HMCES: variants seen among roughly 807,000 people sequenced by gnomAD.
HMCES encodes abasic site processing protein HMCES.
In HMCES, 27 loss-of-function variants were observed where a neutral mutation model predicts 35.1. That is an observed-to-expected ratio of 0.77 (90% CI 0.57 to 1.06). The LOEUF is 1.06. Among genes scored for constraint, HMCES ranks in the 50% least tolerant of loss-of-function variants. HMCES has a pLI of 0.00. For synonymous variants in HMCES, 130 were observed against 154.7 expected (o/e 0.84, Z 1.18); for missense variants, 391 against 430.4 (o/e 0.91, Z 0.81).
At chr3:129,303,825 C>A (rs2071201235) in intron 6 of HMCES, among the ~76,000 whole-genome samples, 1 of 152,020 alleles carries the variant, frequency 6.6e-6, no homozygotes, top group Non-Finnish European at 1.5e-5. Flanking sequence ...TCACTGCAGC[C>A]TCGAACTCCT....
chr3:129,296,771 G>A (rs1244402015), intron 4 of HMCES, among the ~76,000 whole-genome samples: 2 of 152,004 alleles, frequency 1.3e-5, no homozygotes, highest in Admixed American at 6.6e-5. Flanking sequence ...TTTTGTTTTT[G>A]TTTTTGTTTT....
Position 129,279,871 on chromosome 3 carries a change from C to G in HMCES, c.139C>G (p.Gln47Glu). The change falls in exon 2 of 7, where the codon CAA (glutamine) becomes GAA (glutamate). Residue 47 changes from glutamine (Q) to glutamate (E), a missense_variant. Transcript: ENST00000383463. This position sits in a 1 kb window ranked among gnomAD's most constrained non-coding sequence, Gnocchi z 4.2. The stretch of plus-strand genomic sequence containing the variant: ...CTGCCCCTCTTACAACAAGAGTCCT[C>G]AATCCAACAGCCCAGTGCTTCTGTC... ...KYCPSYNKSP[Q>E]SNSPVLLSRL... is the part of the protein sequence containing the mutation. The G allele has an allele frequency of 1.2e-6, 2 of 1,610,274 alleles. No homozygotes were observed. Among genetic ancestry groups the G allele is most frequent in the Non-Finnish European group, 1.7e-6 (2 of 1,178,624 alleles).
At chr3:129,299,576 T>A (rs2071135177) in intron 5 of HMCES, among the ~76,000 whole-genome samples, 1 of 152,062 alleles carries the variant, frequency 6.6e-6, no homozygotes, top group African/African-American at 2.4e-5. Context: ...AAGGAGCCAC[T>A]TGTGGTATTT....
intron 6 of HMCES, among the ~76,000 whole-genome samples, chr3:129,303,513 G>A (rs988335275): frequency 1.3e-5 from 2 of 152,132 alleles, no homozygotes; most frequent in African/African-American, 4.8e-5. Context: ...GAACAGAAGT[G>A]TTTTAGATTT....
intron 5 of HMCES, among the ~76,000 whole-genome samples, chr3:129,300,955 C>T (rs933710725): frequency 2.6e-5 from 4 of 151,146 alleles, no homozygotes; most frequent in African/African-American, 7.3e-5. Flanking sequence ...GGCGTGAACC[C>T]GGGAGGTGGA....
In HMCES at chr3:129,279,379, C is replaced by T. The variant is rs114269508; in HGVS notation, c.-23-331C>T. On this transcript the variant is annotated intron_variant, in intron 1 of 6. Coordinates refer to ENST00000383463, the MANE Select transcript of HMCES (RefSeq NM_020187.3). This position sits in a 1 kb window ranked among gnomAD's most constrained non-coding sequence, Gnocchi z 4.2. ...ACGGGGAGTTGGGGGCACCAAGTCA[C>T]CCGGAGGAGGCGACCCCAGCTAGCT... Among the ~76,000 whole-genome samples, 4,876 of 152,248 alleles carry T rather than the reference C, an allele frequency of 0.032. 117 individuals carry two copies. The highest frequency in any genetic ancestry group is 0.049 in the Non-Finnish European group (3,318 of 67,978).
At chr3:129,288,736 T>A in intron 2 of HMCES, 118 bp from the exon 3 acceptor site, 1 of 882,774 alleles carries the variant, frequency 1.1e-6, no homozygotes. Context: ...ATTCCCTGTT[T>A]AAAAATAATC....
intron 5 of HMCES, among the ~76,000 whole-genome samples, chr3:129,299,711 G>A (rs1394108296): frequency 6.8e-6 from 1 of 147,288 alleles, no homozygotes; most frequent in Non-Finnish European, 1.5e-5. Context: ...GAGTGCAGTG[G>A]TGCGATCTCG....
chr3:129,294,741 G>A (rs1442696049), intron 4 of HMCES, among the ~76,000 whole-genome samples: 1 of 151,996 alleles, frequency 6.6e-6, no homozygotes, highest in African/African-American at 2.4e-5. Flanking sequence ...TATAGATCCA[G>A]TTTTCTCTCT....
chr3:129,302,690 T>C (rs1221217165), intron 6 of HMCES, among the ~76,000 whole-genome samples: 1 of 151,926 alleles, frequency 6.6e-6, no homozygotes, highest in African/African-American at 2.4e-5. Context: ...GCACTCCAGC[T>C]TGGTGACAGG....
At position 129,279,899 on chromosome 3, in the gene HMCES, G is replaced by T. The variant is rs769685234; in HGVS notation, c.167G>T (p.Arg56Leu). The change falls in exon 2 of 7, where the codon CGA (arginine) becomes CTA (leucine). Residue 56 changes from arginine to leucine, a missense_variant. Physicochemically the swap from Arg to Leu is moderately radical, Grantham distance 102. Coordinates refer to ENST00000383463, the MANE Select transcript of HMCES (RefSeq NM_020187.3). The surrounding 1 kb of genome is among the most constrained non-coding windows in gnomAD (Gnocchi z 4.2). ...TCCAACAGCCCAGTGCTTCTGTCTC[G>T]ACTGCACTTTGAGAAGGTAACCAGC... ...PQSNSPVLLS[R>L]LHFEKDADSS... The T allele has an allele frequency of 1.3e-6, 2 of 1,593,718 alleles. No homozygotes were observed. Among genetic ancestry groups the T allele is most frequent in the South Asian group, 2.3e-5 (2 of 88,220 alleles).
At chr3:129,286,825 C>A (rs976502139) in intron 2 of HMCES, among the ~76,000 whole-genome samples, 5 of 152,270 alleles carry the variant, frequency 3.3e-5, no homozygotes, top group African/African-American at 1.2e-4. Context: ...GCTCACTGGT[C>A]TCTCCCAACC....
intron 4 of HMCES, among the ~76,000 whole-genome samples, chr3:129,292,637 C>A (rs1214732630): frequency 6.6e-6 from 1 of 151,660 alleles, no homozygotes; most frequent in Non-Finnish European, 1.5e-5. Context: ...GGACTACAGG[C>A]GTGTGCCACC....
At chr3:129,284,256 A>G (rs1307802786) in intron 2 of HMCES, among the ~76,000 whole-genome samples, 1 of 152,206 alleles carries the variant, frequency 6.6e-6, no homozygotes, top group Admixed American at 6.5e-5. Flanking sequence ...GTTTAAAATG[A>G]TCCCAAGCAT....
At chr3:129,298,637 A>G in intron 5 of HMCES, 102 bp downstream of exon 5, 1 of 949,758 alleles carries the variant, frequency 1.1e-6, no homozygotes, top group Non-Finnish European at 1.6e-6. Flanking sequence ...TCATTTTACA[A>G]CGTAAAGTTA....
At chr3:129,285,895 A>G (rs1376777755) in intron 2 of HMCES, among the ~76,000 whole-genome samples, 1 of 151,590 alleles carries the variant, frequency 6.6e-6, no homozygotes, top group South Asian at 2.1e-4. Context: ...ACACCCAGCT[A>G]ATTTTTGTAT....
intron 3 of HMCES, 24 bp downstream of exon 3, chr3:129,289,021 GC>G (rs1312227891): frequency 1.3e-6 from 2 of 1,527,770 alleles, no homozygotes; most frequent in African/African-American, 2.7e-5. Flanking sequence ...AGCTATTAGT[GC>G]CCCGTATACC....
chr3:129,291,928 C>A (rs1463008962), intron 4 of HMCES, among the ~76,000 whole-genome samples: 1 of 151,922 alleles, frequency 6.6e-6, no homozygotes, highest in Non-Finnish European at 1.5e-5. Context: ...CCATCTCTAC[C>A]AAAAATACAA....
chr3:129,279,928 G>A lies in HMCES; in HGVS notation c.183+13G>A, dbSNP rs1264576456. On this transcript the variant is annotated intron_variant, in intron 2 of 6. Coordinates refer to ENST00000383463, the MANE Select transcript of HMCES (RefSeq NM_020187.3). The surrounding 1 kb of genome is among the most constrained non-coding windows in gnomAD (Gnocchi z 4.2). ...GCACTTTGAGAAGGTAACCAGCATT[G>A]CACTATGCTAGCCCCTCGCCCAGCC... The A allele has an allele frequency of 6.3e-7, 1 of 1,574,994 alleles. No homozygotes were observed. The highest frequency in any genetic ancestry group is 8.6e-7 in the Non-Finnish European group (1 of 1,162,094).
Sources: allele counts gnomAD v4.1 joint callset (sites outside exome capture counted in the v4.1 genomes callset), GRCh38; gene constraint gnomAD v4.1.1; non-coding constraint Gnocchi (gnomAD v3.1); transcripts MANE v1.5; gene names NCBI Gene and HGNC (gene_info 2026-07-23, HGNC 2026-07-21).